The following PHF3 variants were observed in gnomAD, a reference collection of about 807,000 sequenced individuals.
The protein encoded by PHF3 is PHD finger protein 3.
PHF3 carries 41 observed loss-of-function variants against 178.4 expected under a neutral mutation model. The ratio of observed to expected loss-of-function variants is 0.23; its 90% CI spans 0.18 to 0.30. The LOEUF is 0.30. Ranked by LOEUF, PHF3 falls within the 10% of genes least tolerant of loss-of-function variation. The pLI is 1.00. For synonymous variants in PHF3, 842 were observed against 800.5 expected (o/e 1.05, Z -0.88); for missense variants, 2,346 against 2,398.1 (o/e 0.98, Z 0.45).
At chr6:63,686,001 CATT>C in intron 4 of PHF3, 90 bp downstream of exon 4, 2 of 857,922 alleles carry the variant, frequency 2.3e-6, no homozygotes, top group Non-Finnish European at 3.6e-6. Flanking sequence ...GTTTTAAAGA[CATT>C]ATTTGATACA....
At chr6:63,699,569 A>T (rs1356082351) in intron 8 of PHF3, among the ~76,000 whole-genome samples, 1 of 152,120 alleles carries the variant, frequency 6.6e-6, no homozygotes, top group African/African-American at 2.4e-5. Context: ...CAGCAATTAA[A>T]TAAAGATTTA....
At chr6:63,642,102 C>G (rs970337056) in intron 1 of PHF3, among the ~76,000 whole-genome samples, 7 of 152,278 alleles carry the variant, frequency 4.6e-5, no homozygotes, top group African/African-American at 1.7e-4. Flanking sequence ...CAGGAAATAT[C>G]TTCGGACTCA....
chr6:63,681,776 C>T (rs921191266), intron 3 of PHF3, among the ~76,000 whole-genome samples: 2 of 151,970 alleles, frequency 1.3e-5, no homozygotes, highest in Admixed American at 6.6e-5. Context: ...TTTTGGCCTC[C>T]ATCTTTCCTA....
At chr6:63,670,605 C>T (rs1296975354) in intron 2 of PHF3, among the ~76,000 whole-genome samples, 1 of 152,092 alleles carries the variant, frequency 6.6e-6, no homozygotes, top group Non-Finnish European at 1.5e-5. Context: ...TATTCTATTT[C>T]TTTTGATTGC....
chr6:63,697,553 G>A (rs1767285228), intron 6 of PHF3, among the ~76,000 whole-genome samples: 1 of 152,272 alleles, frequency 6.6e-6, no homozygotes, highest in African/African-American at 2.4e-5. Flanking sequence ...GCCTATTTGG[G>A]TGAAGGATAA....
At chr6:63,697,999 C>T (rs953090049) in intron 6 of PHF3, among the ~76,000 whole-genome samples, 1 of 152,070 alleles carries the variant, frequency 6.6e-6, no homozygotes, top group Non-Finnish European at 1.5e-5. Flanking sequence ...AAATAACTAG[C>T]TCTAAAAGCC....
At chr6:63,663,758 A>G (rs564878126) in intron 2 of PHF3, among the ~76,000 whole-genome samples, 3 of 152,176 alleles carry the variant, frequency 2.0e-5, no homozygotes, top group Non-Finnish European at 4.4e-5. Flanking sequence ...GAGAGCTAGT[A>G]TGGAGTCGCA....
At chr6:63,651,897 A>G (rs779422365) in intron 2 of PHF3, among the ~76,000 whole-genome samples, 1 of 152,094 alleles carries the variant, frequency 6.6e-6, no homozygotes, top group South Asian at 2.1e-4. Context: ...TTTAATGGTT[A>G]GTTAGTATTC....
intron 1 of PHF3, among the ~76,000 whole-genome samples, chr6:63,644,241 AACT>A (rs1764689100): frequency 6.6e-6 from 1 of 152,086 alleles, no homozygotes; most frequent in Admixed American, 6.5e-5. Flanking sequence ...ATTGGGATGC[AACT>A]CTCTGAAGAG....
chr6:63,719,805 A>C lies in PHF3; in HGVS notation c.*6097A>C, dbSNP rs1768302431. On this transcript the variant is annotated 3_prime_UTR_variant, in exon 16 of 16. Transcript: ENST00000262043. ...ATGAGTACATGGTTTTAAAAAGTCAAATAGTTCTACAAGGTTCATAAGCAA... is the reference window on the plus strand; with the variant it reads ...ATGAGTACATGGTTTTAAAAAGTCACATAGTTCTACAAGGTTCATAAGCAA... 6.6e-6 allele frequency among the ~76,000 whole-genome samples: 1 copy of C among 152,098 alleles called. No homozygotes were observed. The highest frequency in any genetic ancestry group is 6.6e-5 in the Admixed American group (1 of 15,242).
intron 2 of PHF3, among the ~76,000 whole-genome samples, chr6:63,675,055 T>C (rs1766107152): frequency 6.6e-6 from 1 of 152,214 alleles, no homozygotes; most frequent in Non-Finnish European, 1.5e-5. Context: ...GGAGTTAAAA[T>C]AGTATCAAGG....
intron 9 of PHF3, among the ~76,000 whole-genome samples, chr6:63,700,810 C>G (rs762823771): frequency 6.6e-6 from 1 of 152,126 alleles, no homozygotes; most frequent in Non-Finnish European, 1.5e-5. Flanking sequence ...TCTCGATCTC[C>G]TGACCTCATG....
rs752981094 is a variant in PHF3 at position 63,717,099 on chromosome 6, T to G, written c.*3391T>G. On this transcript the variant is annotated 3_prime_UTR_variant, in exon 16 of 16. Transcript: ENST00000262043. ...TAGCTAAGGCTATAGTAAATACATG[T>G]GAAAAATTTAAGAACAATAACACCA... Among the ~76,000 whole-genome samples the G allele has an allele frequency of 6.6e-5, 10 of 152,070 alleles. No individual in the cohort carries two copies. The highest frequency in any genetic ancestry group is 1.3e-4 in the Non-Finnish European group (9 of 67,998).
chr6:63,701,047 T>C (rs1306641667), intron 9 of PHF3, among the ~76,000 whole-genome samples: 2 of 152,238 alleles, frequency 1.3e-5, no homozygotes, highest in African/African-American at 4.8e-5. Flanking sequence ...CATCTTTTCA[T>C]AATTACATCT....
In PHF3 at chr6:63,712,775, G is replaced by T. The variant is rs1219507130; in HGVS notation, c.5187G>T (p.Gln1729His). The T allele has an allele frequency of 6.2e-7, 1 of 1,613,922 alleles. No homozygotes were observed. The highest frequency in any genetic ancestry group is 8.5e-7 in the Non-Finnish European group (1 of 1,179,954). ...ACTCACCATCAGTAGAAAACATACA[G>T]ACTTCTCAAGCAGAACAAGCAAAAC... Reference protein sequence around the residue: ...AQNSPSVENIQTSQAEQAKPL... With the variant: ...AQNSPSVENIHTSQAEQAKPL... Residue 1729 changes from glutamine to histidine, a missense_variant, in exon 16 of 16, where the codon CAG (glutamine) becomes CAT (histidine). Gln to His is a conservative substitution (Grantham distance 24). Coordinates refer to ENST00000262043, the MANE Select transcript of PHF3 (RefSeq NM_001370348.2).
At chr6:63,688,150 C>T (rs1371447218) in intron 4 of PHF3, among the ~76,000 whole-genome samples, 1 of 145,036 alleles carries the variant, frequency 6.9e-6, no homozygotes, top group Non-Finnish European at 1.5e-5. Flanking sequence ...CATGCTACTC[C>T]ACTTCAGCCT....
In PHF3 at chr6:63,646,663, C is replaced by G. The variant is rs763574940; in HGVS notation, c.112C>G (p.Gln38Glu). ...NEVCEDFSAS[Q>E]NVLEDSLKNM... ...AGTCTGTGAGGATTTTAGTGCAAGT[C>G]AAAATGTCTTAGAGGACTCGCTGAA... Residue 38 changes from glutamine (Q) to glutamate (E), a missense_variant, in exon 2 of 16, where the codon CAA becomes GAA. Transcript: ENST00000262043. 5.0e-6 allele frequency: 8 copies of G among 1,613,722 alleles called. No individual in the cohort carries two copies. Among genetic ancestry groups the G allele is most frequent in the Non-Finnish European group, 6.8e-6 (8 of 1,179,944 alleles).
In PHF3 at chr6:63,712,576, C is replaced by G; in HGVS notation, c.4988C>G (p.Thr1663Ser). 1.9e-6 allele frequency: 3 copies of G among 1,613,866 alleles called. No homozygotes were observed. The highest frequency in any genetic ancestry group is 2.5e-6 in the Non-Finnish European group (3 of 1,179,910). The change falls in exon 16 of 16, where the codon ACT becomes AGT. Residue 1663 changes from threonine to serine, a missense_variant. Physicochemically the swap from Thr to Ser is moderately conservative, Grantham distance 58 (BLOSUM62 1). Around this residue, in one of 8 missense-constraint regions of PHF3, gnomAD observed 839 missense variants for 806.9 expected, o/e 1.04. Transcript: ENST00000262043. ...GCAGCAGGACGAAGTCAGCCTGTAA[C>G]TACTTCAGAAAGCAAAGATGGAGAT... ...RQAAGRSQPV[T>S]TSESKDGDSC...
At chr6:63,702,386 C>T (rs1015960277) in intron 9 of PHF3, 122 bp from the exon 10 acceptor site, 1 of 606,414 alleles carries the variant, frequency 1.6e-6, no homozygotes, top group South Asian at 3.2e-5. Flanking sequence ...GAGACATTAC[C>T]TTAAGATTAA....
Sources: allele counts gnomAD v4.1 joint callset (sites outside exome capture counted in the v4.1 genomes callset), GRCh38; gene constraint gnomAD v4.1.1; regional missense constraint gnomAD v4.1.1; transcripts MANE v1.5; gene names NCBI Gene and HGNC (gene_info 2026-07-23, HGNC 2026-07-21).